The following UVRAG variants were observed in gnomAD, a reference collection of about 807,000 sequenced individuals.
The protein encoded by UVRAG is UV radiation resistance-associated gene protein.
In UVRAG, 19 loss-of-function variants were observed where a neutral mutation model predicts 78.0. The observed-to-expected ratio is 0.24, with a 90% CI of 0.17 to 0.36. The LOEUF is 0.36. UVRAG is among the 10% of genes least tolerant of loss of function. The pLI, the probability that UVRAG is intolerant of heterozygous loss-of-function variation, is 1.00. For missense variants in UVRAG, 740 were observed against 853.8 expected (o/e 0.87, Z 1.66); for synonymous variants, 323 against 324.6 (o/e 1.00, Z 0.05).
chr11:76,133,396 T>C (rs964078843), intron 14 of UVRAG, among the ~76,000 whole-genome samples: 2 of 152,136 alleles, frequency 1.3e-5, no homozygotes, highest in Non-Finnish European at 1.5e-5. Context: ...GGACTGGTGC[T>C]TTCTTAACTT....
At chr11:75,985,254 TTTTAA>T (rs1949477051) in intron 8 of UVRAG, among the ~76,000 whole-genome samples, 1 of 151,852 alleles carries the variant, frequency 6.6e-6, no homozygotes. Flanking sequence ...CCTCTTGCAG[TTTTAA>T]TTTTTATTTT....
intron 13 of UVRAG, among the ~76,000 whole-genome samples, chr11:76,098,823 A>G (rs1951830222): frequency 6.6e-6 from 1 of 152,200 alleles, no homozygotes; most frequent in African/African-American, 2.4e-5. Context: ...TCATGCCTGC[A>G]TAGGTGATTC....
chr11:76,059,284 A>G (rs1951036663), intron 12 of UVRAG, among the ~76,000 whole-genome samples: 1 of 152,266 alleles, frequency 6.6e-6, no homozygotes, highest in African/African-American at 2.4e-5. Context: ...CCAAGTTCAT[A>G]TAACAACTAA....
chr11:75,918,563 T>C (rs1340040252), intron 6 of UVRAG, among the ~76,000 whole-genome samples: 1 of 152,184 alleles, frequency 6.6e-6, no homozygotes, highest in African/African-American at 2.4e-5. Context: ...GTATAATCAA[T>C]AACTATCATT....
intron 14 of UVRAG, among the ~76,000 whole-genome samples, chr11:76,122,893 A>G (rs976374315): frequency 6.6e-6 from 1 of 152,154 alleles, no homozygotes; most frequent in African/African-American, 2.4e-5. Flanking sequence ...CTTACTTGCA[A>G]AACTTTCTAT....
At chr11:75,829,179 G>A (rs1388038179) in intron 1 of UVRAG, among the ~76,000 whole-genome samples, 1 of 152,120 alleles carries the variant, frequency 6.6e-6, no homozygotes, top group African/African-American at 2.4e-5. Context: ...GGTTCAAATG[G>A]ATCCTTCTGC....
At chr11:76,060,335 A>G (rs1014338404) in intron 12 of UVRAG, among the ~76,000 whole-genome samples, 2 of 152,092 alleles carry the variant, frequency 1.3e-5, no homozygotes, top group African/African-American at 4.8e-5. Context: ...TATCATGATG[A>G]CTCTTTGGCA....
intron 13 of UVRAG, among the ~76,000 whole-genome samples, chr11:76,106,399 T>A (rs1393946414): frequency 2.6e-5 from 4 of 151,962 alleles, no homozygotes; most frequent in African/African-American, 9.7e-5. Flanking sequence ...GGAATCCCGC[T>A]CTGTTGCCCA....
chr11:76,060,435 C>T (rs1198790177), intron 12 of UVRAG, among the ~76,000 whole-genome samples: 1 of 152,246 alleles, frequency 6.6e-6, no homozygotes, highest in Non-Finnish European at 1.5e-5. Context: ...CTCTCAGCGC[C>T]TCTTCTGCCT....
At chr11:76,115,542 A>G (rs1341951775) in intron 13 of UVRAG, among the ~76,000 whole-genome samples, 2 of 152,220 alleles carry the variant, frequency 1.3e-5, no homozygotes, top group Non-Finnish European at 1.5e-5. Context: ...GTTTTCTGGT[A>G]TATGTCCCTG....
intron 6 of UVRAG, among the ~76,000 whole-genome samples, chr11:75,954,664 T>A (rs1166598118): frequency 6.6e-6 from 1 of 152,206 alleles, no homozygotes; most frequent in African/African-American, 2.4e-5. Context: ...AGCCAGCAAA[T>A]ACATTTTGAG....
At position 76,017,099 on chromosome 11, in the gene UVRAG, G is replaced by A. The variant is rs374449940; in HGVS notation, c.1226+119G>A. 1.5e-4 allele frequency: 97 copies of A among 628,056 alleles called. 2 individuals are homozygous for A. The South Asian group carries it at 5.5e-3, about 36-fold the overall frequency. The allele number at this position is 628,056 out of a possible 1,614,324, so 38.9% of individuals were successfully genotyped here. ...ACAACTTTTATATAACCTTTGTAGAGTGCCTCATTCATTTAAATCAAATGT... is the reference window on the plus strand; with the variant it reads ...ACAACTTTTATATAACCTTTGTAGAATGCCTCATTCATTTAAATCAAATGT... On this transcript the variant is annotated intron_variant, in intron 12 of 14. Transcript: ENST00000356136.
chr11:75,866,158 G>T (rs1048630085), intron 3 of UVRAG, among the ~76,000 whole-genome samples: 11 of 152,058 alleles, frequency 7.2e-5, no homozygotes, highest in Non-Finnish European at 1.5e-4. Context: ...AGAGGCGGAG[G>T]TTTCAGTCAG....
intron 13 of UVRAG, among the ~76,000 whole-genome samples, chr11:76,081,899 C>T (rs1057471377): frequency 6.4e-5 from 9 of 141,270 alleles, no homozygotes; most frequent in Admixed American, 1.5e-4. Flanking sequence ...ATGATAGGGA[C>T]GAATTTCACC....
intron 12 of UVRAG, among the ~76,000 whole-genome samples, chr11:76,046,056 C>T (rs1376133719): frequency 4.0e-5 from 6 of 151,872 alleles, no homozygotes; most frequent in African/African-American, 7.3e-5. Context: ...TCATAATATC[C>T]GACTCCTCAA....
At chr11:76,004,172 G>A (rs1949878956) in intron 9 of UVRAG, 83 bp downstream of exon 9, 7 of 1,379,790 alleles carry the variant, frequency 5.1e-6, no homozygotes, top group Non-Finnish European at 7.2e-6. Context: ...CTTTAAAGCT[G>A]CTGGTATTAA....
intron 5 of UVRAG, among the ~76,000 whole-genome samples, chr11:75,897,979 C>G (rs1004523907): frequency 6.8e-6 from 1 of 147,642 alleles, no homozygotes; most frequent in African/African-American, 2.5e-5. Flanking sequence ...AAGCAATTCT[C>G]TCTCTCAGCC....
At chr11:75,908,712 CTTTTTT>C (rs1024795820) in intron 5 of UVRAG, among the ~76,000 whole-genome samples, 10 of 45,450 alleles carry the variant, frequency 2.2e-4, no homozygotes, top group African/African-American at 7.8e-4. Flanking sequence ...TGGTTCTGGG[CTTTTTT>C]TTTTTTTTTT....
intron 3 of UVRAG, among the ~76,000 whole-genome samples, chr11:75,862,079 TATA>T (rs1053289324): frequency 1.3e-5 from 2 of 152,086 alleles, no homozygotes; most frequent in African/African-American, 4.8e-5. Flanking sequence ...AAACTTACAG[TATA>T]ATAATAATAA....
Sources: gnomAD v4.1 joint callset for allele counts (sites outside exome capture counted in the v4.1 genomes callset) on GRCh38, gnomAD v4.1.1 for gene constraint, MANE v1.5 for transcripts, NCBI Gene and HGNC (gene_info 2026-07-23, HGNC 2026-07-21) for gene names.